Variants in KCNH5 observed in about 807,000 individuals in gnomAD.
The protein encoded by KCNH5 is voltage-gated delayed rectifier potassium channel KCNH5.
In KCNH5, 46 loss-of-function variants were observed where a neutral mutation model predicts 96.1. The ratio of observed to expected loss-of-function variants is 0.48; its 90% CI spans 0.38 to 0.61. The LOEUF is 0.61. KCNH5 is among the 20% of genes least tolerant of loss of function. The probability of loss-of-function intolerance (pLI) is 0.00; values close to 1 mark genes in which losing one functional copy is unlikely to be tolerated. For missense variants in KCNH5, 907 were observed against 1,225.8 expected (o/e 0.74, Z 3.88); for synonymous variants, 439 against 449.8 (o/e 0.98, Z 0.30).
chr14:62,992,415 G>A (rs974241181), intron 4 of KCNH5, among the ~76,000 whole-genome samples: 1 of 151,912 alleles, frequency 6.6e-6, no homozygotes, highest in African/African-American at 2.4e-5. Flanking sequence ...GTTTTCCATT[G>A]AGGTTGTACT....
At chr14:62,913,078 A>G (rs1359655194) in intron 7 of KCNH5, among the ~76,000 whole-genome samples, 1 of 152,234 alleles carries the variant, frequency 6.6e-6, no homozygotes, top group Admixed American at 6.5e-5. Flanking sequence ...ATTTTTGTCT[A>G]AGGAGTCAAA....
intron 6 of KCNH5, among the ~76,000 whole-genome samples, chr14:62,979,464 C>A (rs114601882): frequency 1.3e-5 from 2 of 151,608 alleles, no homozygotes; most frequent in African/African-American, 4.9e-5. Context: ...GTTGGTTGAA[C>A]GTAAATATTT....
intron 6 of KCNH5, among the ~76,000 whole-genome samples, chr14:62,979,839 T>G (rs549956303): frequency 1.3e-3 from 197 of 152,160 alleles, no homozygotes; most frequent in Non-Finnish European, 2.5e-3. Flanking sequence ...TACTTCTAGG[T>G]GCACTGATAA....
intron 3 of KCNH5, 69 bp from the exon 4 acceptor site, chr14:63,001,528 T>A: frequency 1.4e-6 from 2 of 1,456,004 alleles, no homozygotes; most frequent in Admixed American, 2.3e-5. Flanking sequence ...TTTGGTCTCC[T>A]GGCTTCCTTC....
At chr14:62,755,085 G>A (rs922216926) in intron 10 of KCNH5, among the ~76,000 whole-genome samples, 3 of 151,348 alleles carry the variant, frequency 2.0e-5, no homozygotes, top group Non-Finnish European at 4.4e-5. Context: ...AAATTTAGTG[G>A]ATGAAAAGAA....
chr14:62,791,097 G>T (rs1886424733), intron 9 of KCNH5, among the ~76,000 whole-genome samples: 1 of 151,588 alleles, frequency 6.6e-6, no homozygotes. Context: ...TGATCATGGT[G>T]TCATCATTAC....
intron 6 of KCNH5, among the ~76,000 whole-genome samples, chr14:62,963,276 G>A (rs1053417282): frequency 1.3e-5 from 2 of 152,076 alleles, no homozygotes; most frequent in African/African-American, 4.8e-5. Context: ...ATAGGAGAAA[G>A]CATAGTATAT....
chr14:62,770,208 T>A (rs1885956835), intron 10 of KCNH5, among the ~76,000 whole-genome samples: 1 of 152,208 alleles, frequency 6.6e-6, no homozygotes, highest in Non-Finnish European at 1.5e-5. Context: ...CTGCGACACA[T>A]GTACACCAAG....
At chr14:62,829,412 G>C (rs1416929188) in intron 8 of KCNH5, among the ~76,000 whole-genome samples, 1 of 152,212 alleles carries the variant, frequency 6.6e-6, no homozygotes, top group Non-Finnish European at 1.5e-5. Context: ...CTTCTGCCTA[G>C]ACATCCAGGC....
chr14:62,869,357 C>T (rs978380658), intron 7 of KCNH5, among the ~76,000 whole-genome samples: 18 of 150,784 alleles, frequency 1.2e-4, no homozygotes, highest in African/African-American at 4.4e-4. Flanking sequence ...CTGTTCATAT[C>T]CTTTGCCTAC....
chr14:62,912,952 A>G (rs923383569), intron 7 of KCNH5, among the ~76,000 whole-genome samples: 2 of 152,222 alleles, frequency 1.3e-5, no homozygotes, highest in Non-Finnish European at 2.9e-5. Flanking sequence ...AAATTGCTAC[A>G]GAGAGCAAAA....
intron 8 of KCNH5, among the ~76,000 whole-genome samples, chr14:62,818,118 G>T (rs953700698): frequency 5.6e-5 from 6 of 108,046 alleles, no homozygotes; most frequent in Admixed American, 2.0e-4. Context: ...GCGGGGGGGG[G>T]GTGGAAGAAA....
intron 10 of KCNH5, among the ~76,000 whole-genome samples, chr14:62,724,717 T>C (rs1370980650): frequency 7.2e-5 from 11 of 152,244 alleles, no homozygotes; most frequent in Non-Finnish European, 7.3e-5. Context: ...TGGCCAGTAA[T>C]TGACCTGTAG....
At chr14:62,845,271 A>G (rs905460945) in intron 8 of KCNH5, among the ~76,000 whole-genome samples, 3 of 152,222 alleles carry the variant, frequency 2.0e-5, no homozygotes, top group East Asian at 1.9e-4. Context: ...GCTACATCCA[A>G]AAGTACATAC....
intron 2 of KCNH5, among the ~76,000 whole-genome samples, chr14:63,013,944 A>G (rs574922107): frequency 6.6e-6 from 1 of 152,286 alleles, no homozygotes; most frequent in Non-Finnish European, 1.5e-5. Flanking sequence ...GTTTAAAAGA[A>G]GAACACATTA....
At chr14:63,036,941 C>G (rs895560274) in intron 1 of KCNH5, among the ~76,000 whole-genome samples, 7 of 151,964 alleles carry the variant, frequency 4.6e-5, no homozygotes, top group African/African-American at 7.3e-5. Context: ...AGAATGCGCA[C>G]TCATAATTTT....
At chr14:62,898,944 C>T (rs957027191) in intron 7 of KCNH5, among the ~76,000 whole-genome samples, 1 of 152,042 alleles carries the variant, frequency 6.6e-6, no homozygotes, top group Admixed American at 6.5e-5. Context: ...AATTGGTATG[C>T]ACCTTGTAAC....
intron 7 of KCNH5, among the ~76,000 whole-genome samples, chr14:62,878,170 G>T (rs1175949805): frequency 4.1e-5 from 5 of 122,010 alleles, no homozygotes; most frequent in Non-Finnish European, 8.1e-5. Flanking sequence ...ACAGGAAGGG[G>T]AACATCACAC....
In KCNH5 at chr14:63,001,410, A is replaced by G. The variant is rs2139591254; in HGVS notation, c.354T>C (p.His118=). 2 of 1,612,476 alleles carry G rather than the reference A, an allele frequency of 1.2e-6. No homozygotes were observed. The highest frequency in any genetic ancestry group is 1.7e-6 in the Non-Finnish European group (2 of 1,179,180). Residue 118 remains histidine (H), a synonymous_variant, in exon 4 of 11, where the codon CAT becomes CAC. Coordinates refer to ENST00000322893, the MANE Select transcript of KCNH5 (RefSeq NM_139318.5). The stretch of plus-strand genomic sequence containing the variant: ...TACACAGGAACAAGACCACCTTTTC[A>G]TGTTCATTTCTTATTGGTGCAATTT... ...YMQIAPIRNE[H]EKVVLFLCTF...
Sources: allele counts gnomAD v4.1 joint callset (sites outside exome capture counted in the v4.1 genomes callset), GRCh38; gene constraint gnomAD v4.1.1; transcripts MANE v1.5; gene names NCBI Gene and HGNC (gene_info 2026-07-23, HGNC 2026-07-21).